QPCTL: variants seen among roughly 807,000 people sequenced by gnomAD.
The protein encoded by QPCTL is glutaminyl-peptide cyclotransferase like.
In QPCTL, 31 loss-of-function variants were observed where a neutral mutation model predicts 34.6. The observed-to-expected ratio is 0.90, with a 90% CI of 0.67 to 1.21. The LOEUF (loss-of-function observed/expected upper bound fraction) is 1.21, where lower values mean the gene tolerates loss of function less well. Among genes scored for constraint, QPCTL ranks in the 50% most tolerant of loss-of-function variants. The pLI is 0.00. For synonymous variants in QPCTL, 223 were observed against 226.9 expected, an observed-to-expected ratio of 0.98 and a Z score of 0.15; for missense variants, 474 against 507.8, an observed-to-expected ratio of 0.93 and a Z score of 0.64.
chr19:45,692,712 CG>C lies in QPCTL; in HGVS notation c.14del (p.Gly5AlafsTer68). The C allele has an allele frequency of 3.9e-6, 6 of 1,547,210 alleles. No individual in the cohort carries two copies. Among genetic ancestry groups the C allele is most frequent in the South Asian group, 1.2e-5 (1 of 84,752 alleles). MRSGGRGRPRLRLG... is the reference protein window; with the variant it reads MRSXGRGRPRLRLG... ...TTCAGGGCAAAGCGGCCATGCGTTC[CG>C]GGGGCCGCGGGCGACCCCGCCTGCG... is the stretch of plus-strand genomic sequence containing the variant. On this transcript the variant is annotated frameshift_variant, in exon 1 of 7. Coordinates refer to ENST00000012049, the MANE Select transcript of QPCTL (RefSeq NM_017659.4). LOFTEE classifies it high-confidence loss of function.
At chr19:45,699,950 A>AT (rs1449891263) in intron 5 of QPCTL, among the ~76,000 whole-genome samples, 4 of 149,256 alleles carry the variant, frequency 2.7e-5, no homozygotes, top group African/African-American at 9.9e-5. Context: ...AAAAAAAAAA[A>AT]ATTAGCCAGG....
chr19:45,695,256 A>C (rs1967666059), intron 2 of QPCTL, among the ~76,000 whole-genome samples, 181 bp from the exon 3 acceptor site: 3 of 151,948 alleles, frequency 2.0e-5, no homozygotes. Flanking sequence ...ACTGCACTCC[A>C]GCCTGGGTGA....
intron 3 of QPCTL, 123 bp downstream of exon 3, chr19:45,695,841 C>T (rs905744749): frequency 3.5e-6 from 4 of 1,139,010 alleles, no homozygotes; most frequent in Non-Finnish European, 4.7e-6. Context: ...CACAGAGCCA[C>T]AGGGATCTTT....
chr19:45,693,693 G>C, intron 2 of QPCTL, 137 bp downstream of exon 2: 4 of 1,256,804 alleles, frequency 3.2e-6, no homozygotes, highest in Non-Finnish European at 4.3e-6. Context: ...TAGACTCCAT[G>C]CTGGTAACAA....
At chr19:45,695,839 C>A in intron 3 of QPCTL, 121 bp downstream of exon 3, 1 of 1,181,128 alleles carries the variant, frequency 8.5e-7, no homozygotes, top group Non-Finnish European at 1.1e-6. Flanking sequence ...CGCACAGAGC[C>A]ACAGGGATCT....
At chr19:45,697,364 T>C (rs1438487646) in intron 3 of QPCTL, among the ~76,000 whole-genome samples, 1 of 146,196 alleles carries the variant, frequency 6.8e-6, no homozygotes, top group Non-Finnish European at 1.5e-5. Flanking sequence ...AGGCAGAGTT[T>C]GCAGTGAGCC....
chr19:45,692,890 C>G lies in QPCTL; in HGVS notation c.187C>G (p.Pro63Ala). 1 of 1,543,544 alleles carries G rather than the reference C, an allele frequency of 6.5e-7. No individual in the cohort carries two copies. Among genetic ancestry groups the G allele is most frequent in the Non-Finnish European group, 8.7e-7 (1 of 1,146,412 alleles). ...SGWHRRTEEL[P>A]LGRELRVPLI... ...CTGGCACCGCAGGACTGAGGAGCTGCCGCTGGGCCGGGAGCTGCGGGTGAG... is the reference window on the plus strand; with the variant it reads ...CTGGCACCGCAGGACTGAGGAGCTGGCGCTGGGCCGGGAGCTGCGGGTGAG... The change falls in exon 1 of 7, where the codon CCG becomes GCG. Residue 63 changes from proline (P) to alanine (A), a missense_variant. By Grantham distance (27) the Pro-to-Ala change is conservative (BLOSUM62 -1). Coordinates refer to ENST00000012049, the MANE Select transcript of QPCTL (RefSeq NM_017659.4).
chr19:45,695,331 G>A (rs1206247715), intron 2 of QPCTL, 106 bp from the exon 3 acceptor site: 1 of 1,002,598 alleles, frequency 1.0e-6, no homozygotes, highest in Non-Finnish European at 1.5e-6. Flanking sequence ...ATCAGAGTGG[G>A]GCTTTAGTGT....
In QPCTL at chr19:45,693,432, T is replaced by C; in HGVS notation, c.227T>C (p.Leu76Pro). The change falls in exon 2 of 7, where the codon CTC (leucine) becomes CCC (proline). Residue 76 changes from leucine (L) to proline (P), a missense_variant. By Grantham distance (98) the Leu-to-Pro change is moderately conservative. Transcript: ENST00000012049. ...RELRVPLIGSLPEARLRRVVG... is the reference protein window; with the variant it reads ...RELRVPLIGSPPEARLRRVVG... Reference sequence around the variant, plus strand: ...CCCAAGGTCCCATTGATCGGAAGCCTCCCCGAAGCCCGGCTGCGGAGGGTG... The same window carrying C: ...CCCAAGGTCCCATTGATCGGAAGCCCCCCCGAAGCCCGGCTGCGGAGGGTG... 1 of 1,611,158 alleles carries C rather than the reference T, an allele frequency of 6.2e-7. No homozygotes were observed. Among genetic ancestry groups the C allele is most frequent in the East Asian group, 2.2e-5 (1 of 44,690 alleles).
chr19:45,695,644 T>G lies in QPCTL; in HGVS notation c.559T>G (p.Ser187Ala), dbSNP rs1363092433. The change falls in exon 3 of 7, where the codon TCG becomes GCG. Residue 187 changes from serine to alanine, a missense_variant. Ser to Ala is a moderately conservative substitution (Grantham distance 99). Transcript: ENST00000012049. Reference protein sequence around the residue: ...GSTPFVGATDSAVPCALLLEL... With the variant: ...GSTPFVGATDAAVPCALLLEL... ...GACCCCCTTTGTAGGGGCCACGGATTCGGCTGTGCCCTGTGCCCTGCTGCT... is the reference window on the plus strand; with the variant it reads ...GACCCCCTTTGTAGGGGCCACGGATGCGGCTGTGCCCTGTGCCCTGCTGCT... 6.2e-7 allele frequency: 1 copy of G among 1,613,846 alleles called. No individual in the cohort carries two copies. The highest frequency in any genetic ancestry group is 8.5e-7 in the Non-Finnish European group (1 of 1,179,968).
intron 5 of QPCTL, among the ~76,000 whole-genome samples, chr19:45,700,346 C>G (rs1452461929): frequency 6.7e-6 from 1 of 150,312 alleles, no homozygotes; most frequent in Non-Finnish European, 1.5e-5. Flanking sequence ...TCCGGAGGCT[C>G]AGGCAGAAGA....
At position 45,698,758 on chromosome 19, in the gene QPCTL, G is replaced by A. The variant is rs748110968; in HGVS notation, c.787-43G>A. On this transcript the variant is annotated intron_variant, in intron 4 of 6. Coordinates refer to ENST00000012049, the MANE Select transcript of QPCTL (RefSeq NM_017659.4). ...AGGGAGCAGGTTAAGCAGGGCTGGC[G>A]TCATCCTGCACGGGCCCCTCCAGTC... 2.6e-5 allele frequency: 42 copies of A among 1,613,312 alleles called. No individual in the cohort carries two copies. The Middle Eastern group carries it at 6.6e-4, about 25-fold the overall frequency.
chr19:45,702,838 T>A, intron 6 of QPCTL, 66 bp from the exon 7 acceptor site: 1 of 1,600,914 alleles, frequency 6.2e-7, no homozygotes, highest in Non-Finnish European at 8.5e-7. Context: ...ACCTAGAGGT[T>A]GGGCTTGGGC....
At chr19:45,702,873 G>A (rs765337226) in intron 6 of QPCTL, 31 bp from the exon 7 acceptor site, 4 of 1,613,586 alleles carry the variant, frequency 2.5e-6, no homozygotes, top group Non-Finnish European at 3.4e-6. Context: ...GGGCTGCAGT[G>A]GACCTGACAA....
chr19:45,693,279 A>G, intron 1 of QPCTL, 134 bp from the exon 2 acceptor site: 1 of 1,234,128 alleles, frequency 8.1e-7, no homozygotes, highest in Admixed American at 2.4e-5. Flanking sequence ...GATTTATCCT[A>G]GAAGTCTCCG....
chr19:45,696,811 C>T (rs188082160), intron 3 of QPCTL, among the ~76,000 whole-genome samples: 10 of 152,102 alleles, frequency 6.6e-5, no homozygotes, highest in Admixed American at 5.9e-4. Flanking sequence ...GGTGTCCACT[C>T]CAATGTCACC....
chr19:45,701,750 T>A (rs779678977), intron 5 of QPCTL, 48 bp from the exon 6 acceptor site: 1 of 1,447,962 alleles, frequency 6.9e-7, no homozygotes, highest in East Asian at 2.3e-5. Flanking sequence ...CTGGGGACCT[T>A]CGACTACTAA....
chr19:45,694,935 C>T (rs1465172251), intron 2 of QPCTL, among the ~76,000 whole-genome samples: 4 of 152,070 alleles, frequency 2.6e-5, no homozygotes, highest in Non-Finnish European at 5.9e-5. Flanking sequence ...GGTGGGGTCT[C>T]CCCAACATCT....
In QPCTL at chr19:45,701,923, T is replaced by A; in HGVS notation, c.1003+9T>A. Reference sequence around the variant, plus strand: ...CCCCTTCCTCCGCAGAGGTACCAGCTGCAGGGAGGGATGGAGGGTGGGTGT... The same window carrying A: ...CCCCTTCCTCCGCAGAGGTACCAGCAGCAGGGAGGGATGGAGGGTGGGTGT... On this transcript the variant is annotated intron_variant, in intron 6 of 6. Transcript: ENST00000012049. 1.2e-6 allele frequency: 2 copies of A among 1,600,018 alleles called. No individual in the cohort carries two copies. The highest frequency in any genetic ancestry group is 2.7e-5 in the African/African-American group (2 of 74,688).
Sources: gnomAD v4.1 joint callset for allele counts (sites outside exome capture counted in the v4.1 genomes callset) on GRCh38, gnomAD v4.1.1 for gene constraint, MANE v1.5 for transcripts, NCBI Gene and HGNC (gene_info 2026-07-23, HGNC 2026-07-21) for gene names.